Variants in ERICH6B observed in about 807,000 individuals in gnomAD.
ERICH6B encodes glutamate rich 6B.
Under a neutral mutation model 80.0 loss-of-function variants are expected in ERICH6B, and 69 were observed. That is an observed-to-expected ratio of 0.86 (90% CI 0.71 to 1.05). The LOEUF (loss-of-function observed/expected upper bound fraction) is 1.05, where lower values mean the gene tolerates loss of function less well. Ranked by LOEUF, ERICH6B falls within the 50% of genes least tolerant of loss-of-function variation. ERICH6B has a pLI of 0.00. For missense variants in ERICH6B, 754 were observed against 796.1 expected, an observed-to-expected ratio of 0.95 and a Z score of 0.64; for synonymous variants, 283 against 291.9, an observed-to-expected ratio of 0.97 and a Z score of 0.31.
intron 9 of ERICH6B, among the ~76,000 whole-genome samples, chr13:45,566,458 C>A (rs1255912386): frequency 6.6e-6 from 1 of 152,214 alleles, no homozygotes; most frequent in Non-Finnish European, 1.5e-5. Context: ...GTTTCATGGG[C>A]CAGGCCCAGG....
At chr13:45,564,665 C>T (rs1012728329) in intron 9 of ERICH6B, among the ~76,000 whole-genome samples, 2 of 152,314 alleles carry the variant, frequency 1.3e-5, no homozygotes, top group East Asian at 1.9e-4. Flanking sequence ...GAGTCCATGG[C>T]CCATTTGTAC....
chr13:45,568,332 T>A lies in ERICH6B; in HGVS notation c.1170A>T (p.Arg390Ser). Residue 390 changes from arginine (R) to serine (S), a missense_variant, in exon 9 of 15, where the codon AGA becomes AGT. By Grantham distance (110) the Arg-to-Ser change is moderately radical. Transcript: ENST00000298738. ...TTACTTACATAATTACCAGTTTCCA[T>A]CTGTTTTCACTTTCCAGTAGCTTAG... ...PLTKLLESEN[R>S]WKLVIMLKKN... is the part of the protein sequence containing the mutation. The A allele has an allele frequency of 1.3e-6, 2 of 1,545,550 alleles. No homozygotes were observed. Among genetic ancestry groups the A allele is most frequent in the Non-Finnish European group, 8.7e-7 (1 of 1,145,066 alleles).
At chr13:45,553,915 TAA>T (rs1874328924) in intron 11 of ERICH6B, among the ~76,000 whole-genome samples, 1 of 152,228 alleles carries the variant, frequency 6.6e-6, no homozygotes, top group Non-Finnish European at 1.5e-5. Context: ...TGTGATTGGC[TAA>T]GTCAAGCTAT....
At chr13:45,597,898 C>T (rs150985169) in intron 2 of ERICH6B, among the ~76,000 whole-genome samples, 1 of 152,268 alleles carries the variant, frequency 6.6e-6, no homozygotes, top group East Asian at 1.9e-4. Context: ...CTGTGATTCC[C>T]CATGGTGAAC....
chr13:45,586,942 T>C, intron 5 of ERICH6B, 121 bp downstream of exon 5: 2 of 1,074,766 alleles, frequency 1.9e-6, no homozygotes, highest in Non-Finnish European at 2.6e-6. Context: ...ACAGAAACAG[T>C]AGGATATCAT....
chr13:45,561,825 T>A (rs1324677226), intron 10 of ERICH6B, among the ~76,000 whole-genome samples: 2 of 152,154 alleles, frequency 1.3e-5, no homozygotes. Context: ...ATGGTCAACC[T>A]GTACAGATGT....
At chr13:45,582,779 C>T (rs7335924) in intron 5 of ERICH6B, among the ~76,000 whole-genome samples, 10,112 of 152,254 alleles carry the variant, frequency 0.066, 811 homozygotes, top group African/African-American at 0.19. Context: ...TGTCCAGGAA[C>T]ATCAGGAAAC....
Position 45,587,244 on chromosome 13 carries a change from G to A in ERICH6B, c.687-12C>T. 2 of 1,551,328 alleles carry A rather than the reference G, an allele frequency of 1.3e-6. No individual in the cohort carries two copies. The highest frequency in any genetic ancestry group is 1.7e-6 in the Non-Finnish European group (2 of 1,146,826). On this transcript the variant is annotated splice_polypyrimidine_tract_variant and intron_variant, in intron 4 of 14. Coordinates refer to ENST00000298738, the MANE Select transcript of ERICH6B (RefSeq NM_182542.3). Reference sequence around the variant, plus strand: ...CAGCGTCTGGACTCCTGTCAGAGGGGAGAACAGGAAGGTCAACTTCCAGAC... The same window carrying A: ...CAGCGTCTGGACTCCTGTCAGAGGGAAGAACAGGAAGGTCAACTTCCAGAC...
At chr13:45,558,901 A>T (rs3014915) in intron 11 of ERICH6B, among the ~76,000 whole-genome samples, 1 of 151,942 alleles carries the variant, frequency 6.6e-6, no homozygotes, top group African/African-American at 2.4e-5. Context: ...TTCTCTTTTC[A>T]GTATGTCCTT....
chr13:45,589,034 T>A (rs544464746), intron 4 of ERICH6B, among the ~76,000 whole-genome samples: 1 of 152,114 alleles, frequency 6.6e-6, no homozygotes, highest in South Asian at 2.1e-4. Flanking sequence ...AGCCTTTCTG[T>A]TTATAAGGGA....
At chr13:45,550,158 C>A in intron 12 of ERICH6B, 73 bp downstream of exon 12, 1 of 1,531,274 alleles carries the variant, frequency 6.5e-7, no homozygotes, top group South Asian at 1.2e-5. Flanking sequence ...AAACCCCTTA[C>A]CCCATAAAAA....
chr13:45,549,765 G>C, intron 13 of ERICH6B, 128 bp downstream of exon 13: 1 of 1,062,630 alleles, frequency 9.4e-7, no homozygotes, highest in Non-Finnish European at 1.3e-6. Flanking sequence ...CCATCATGGT[G>C]CTCATTCTCC....
intron 2 of ERICH6B, among the ~76,000 whole-genome samples, chr13:45,605,584 C>T (rs1793776591): frequency 6.6e-6 from 1 of 152,220 alleles, no homozygotes; most frequent in African/African-American, 2.4e-5. Context: ...AAGATCTGGA[C>T]CTAGGTCTGC....
rs780143661 is a variant in ERICH6B at position 45,580,584 on chromosome 13, A to C, written c.919+19T>G. The C allele has an allele frequency of 4.2e-5, 65 of 1,551,070 alleles. No homozygotes were observed. In the African/African-American group the frequency reaches 8.1e-4, roughly 19 times the overall value. On this transcript the variant is annotated intron_variant, in intron 6 of 14. Transcript: ENST00000298738. ...ATGACTAACTTCTACAGATCATTTA[A>C]AATCATCATAAACTTTACCTTCCGG...
intron 11 of ERICH6B, among the ~76,000 whole-genome samples, chr13:45,560,724 C>T (rs1353920047): frequency 6.6e-6 from 1 of 152,186 alleles, no homozygotes; most frequent in East Asian, 1.9e-4. Context: ...GTAACCTTTT[C>T]AGATTGGTTT....
At chr13:45,560,293 T>C (rs1205434197) in intron 11 of ERICH6B, among the ~76,000 whole-genome samples, 4 of 152,222 alleles carry the variant, frequency 2.6e-5, no homozygotes, top group South Asian at 2.1e-4. Flanking sequence ...TCAGTCTTTA[T>C]GAATACTACC....
intron 9 of ERICH6B, among the ~76,000 whole-genome samples, 192 bp downstream of exon 9, chr13:45,568,123 A>C (rs1386800946): frequency 6.6e-6 from 1 of 152,134 alleles, no homozygotes; most frequent in African/African-American, 2.4e-5. Flanking sequence ...TGGCAGCTGG[A>C]TCATTCTGCC....
chr13:45,557,650 G>T (rs1439038317), intron 11 of ERICH6B, among the ~76,000 whole-genome samples: 1 of 152,184 alleles, frequency 6.6e-6, no homozygotes, highest in African/African-American at 2.4e-5. Flanking sequence ...CCTACATGTT[G>T]CTTGCCAATT....
chr13:45,602,286 T>C (rs1310859120), intron 2 of ERICH6B, among the ~76,000 whole-genome samples: 1 of 152,180 alleles, frequency 6.6e-6, no homozygotes, highest in Non-Finnish European at 1.5e-5. Context: ...ATTTTCTTGG[T>C]GATGCTTTGT....
Sources: allele counts gnomAD v4.1 joint callset (sites outside exome capture counted in the v4.1 genomes callset), GRCh38; gene constraint gnomAD v4.1.1; transcripts MANE v1.5; gene names NCBI Gene and HGNC (gene_info 2026-07-23, HGNC 2026-07-21).